COL24A1: variants seen among roughly 807,000 people sequenced by gnomAD.
COL24A1 encodes collagen alpha-1(XXIV) chain.
COL24A1 carries 224 observed loss-of-function variants against 253.9 expected under a neutral mutation model. The ratio of observed to expected loss-of-function variants is 0.88; its 90% CI spans 0.79 to 0.99. The LOEUF (loss-of-function observed/expected upper bound fraction) is 0.99, where lower values mean the gene tolerates loss of function less well. Ranked by LOEUF, COL24A1 falls within the 50% of genes least tolerant of loss-of-function variation. COL24A1 has a pLI of 0.00. For missense variants in COL24A1, 2,131 were observed against 2,068.5 expected (o/e 1.03, Z -0.59); for synonymous variants, 685 against 673.7 (o/e 1.02, Z -0.26).
chr1:86,074,224 T>C (rs1228546414), intron 7 of COL24A1, among the ~76,000 whole-genome samples: 1 of 152,156 alleles, frequency 6.6e-6, no homozygotes, highest in Non-Finnish European at 1.5e-5. Context: ...ACAAATCTCA[T>C]GTGCAAAGAC....
chr1:86,108,817 AAAG>A (rs1316217548), intron 5 of COL24A1, among the ~76,000 whole-genome samples: 1 of 151,494 alleles, frequency 6.6e-6, no homozygotes, highest in Non-Finnish European at 1.5e-5. Flanking sequence ...CAAAAAAAAA[AAAG>A]GATTCTCTAA....
chr1:85,981,274 G>A (rs1418112887), intron 20 of COL24A1, among the ~76,000 whole-genome samples: 1 of 152,078 alleles, frequency 6.6e-6, no homozygotes, highest in East Asian at 1.9e-4. Flanking sequence ...AAACAGCATG[G>A]TACTGGTATA....
intron 35 of COL24A1, among the ~76,000 whole-genome samples, chr1:85,871,369 C>A (rs1243880274): frequency 6.6e-6 from 1 of 152,056 alleles, no homozygotes; most frequent in Non-Finnish European, 1.5e-5. Context: ...ATCCTGATAC[C>A]AAAGCCTGGC....
chr1:86,133,651 T>C (rs1469531067), intron 2 of COL24A1, among the ~76,000 whole-genome samples: 1 of 152,164 alleles, frequency 6.6e-6, no homozygotes, highest in Admixed American at 6.5e-5. Context: ...CTGGATTACG[T>C]TTATTGATTT....
intron 20 of COL24A1, among the ~76,000 whole-genome samples, chr1:85,979,184 A>C (rs1692994997): frequency 6.6e-6 from 1 of 152,208 alleles, no homozygotes; most frequent in African/African-American, 2.4e-5. Flanking sequence ...GGGATACGGC[A>C]AAAGCAGTAG....
chr1:85,884,466 T>C (rs548563053), intron 32 of COL24A1, among the ~76,000 whole-genome samples: 15 of 152,134 alleles, frequency 9.9e-5, no homozygotes, highest in Non-Finnish European at 2.1e-4. Flanking sequence ...TGTGGCACAG[T>C]TCCTTTAGCT....
intron 53 of COL24A1, among the ~76,000 whole-genome samples, chr1:85,773,233 C>T (rs112515288): frequency 6.6e-6 from 1 of 152,160 alleles, no homozygotes; most frequent in African/African-American, 2.4e-5. Context: ...GTCTATATAT[C>T]TGTTTTGGTA....
intron 24 of COL24A1, among the ~76,000 whole-genome samples, chr1:85,914,019 T>C (rs989190863): frequency 1.4e-4 from 21 of 152,192 alleles, no homozygotes; most frequent in African/African-American, 5.1e-4. Flanking sequence ...GGTTCATAGA[T>C]GGCAGAGCCC....
chr1:86,142,621 C>A (rs1651322363), intron 2 of COL24A1, among the ~76,000 whole-genome samples: 1 of 150,474 alleles, frequency 6.6e-6, no homozygotes, highest in African/African-American at 2.4e-5. Flanking sequence ...GATGAAAAAT[C>A]TCACATAAAG....
At chr1:85,968,619 A>C (rs998507700) in intron 22 of COL24A1, among the ~76,000 whole-genome samples, 3 of 152,290 alleles carry the variant, frequency 2.0e-5, no homozygotes, top group Non-Finnish European at 2.9e-5. Context: ...ATAGTTAAGA[A>C]CCTGAATTAT....
At chr1:85,997,039 A>ATGTG (rs1491173763) in intron 19 of COL24A1, among the ~76,000 whole-genome samples, 2 of 48,456 alleles carry the variant, frequency 4.1e-5, no homozygotes. Flanking sequence ...ATATATATAT[A>ATGTG]TATGTGTGTG....
chr1:86,043,341 C>A (rs925060337), intron 12 of COL24A1, among the ~76,000 whole-genome samples: 21 of 151,482 alleles, frequency 1.4e-4, no homozygotes, highest in African/African-American at 5.1e-4. Context: ...CCTTCTATCA[C>A]CCACAAAAAT....
At chr1:86,089,361 C>T in intron 6 of COL24A1, 134 bp from the exon 7 acceptor site, 1 of 756,758 alleles carries the variant, frequency 1.3e-6, no homozygotes. Flanking sequence ...AATCTTTGAG[C>T]CTGTTTCTGA....
chr1:85,799,680 A>G (rs764213848), intron 47 of COL24A1, among the ~76,000 whole-genome samples: 1 of 152,240 alleles, frequency 6.6e-6, no homozygotes, highest in Non-Finnish European at 1.5e-5. Context: ...ATTTCCATGT[A>G]CATAAATACC....
intron 7 of COL24A1, 34 bp downstream of exon 7, chr1:86,089,140 A>AT: frequency 6.5e-7 from 1 of 1,532,888 alleles, no homozygotes; most frequent in Non-Finnish European, 8.8e-7. Context: ...GAAAAAAAGA[A>AT]GAAAAAAAGA....
At chr1:86,084,439 G>C (rs1445820811) in intron 7 of COL24A1, among the ~76,000 whole-genome samples, 1 of 152,164 alleles carries the variant, frequency 6.6e-6, no homozygotes, top group Non-Finnish European at 1.5e-5. Context: ...GCATACAACA[G>C]ACTCATGCCA....
At chr1:85,780,165 T>C (rs1558095460) in intron 52 of COL24A1, among the ~76,000 whole-genome samples, 1 of 152,162 alleles carries the variant, frequency 6.6e-6, no homozygotes. Flanking sequence ...ACAGAAATAC[T>C]GAGTTATACA....
chr1:85,807,996 G>C (rs993610276), intron 47 of COL24A1, among the ~76,000 whole-genome samples: 2 of 152,126 alleles, frequency 1.3e-5, no homozygotes, highest in African/African-American at 4.8e-5. Flanking sequence ...TAAAGACTGT[G>C]AGCTCAGTTT....
rs375343486 is a variant in COL24A1, at chr1:85,817,812, T to C, written c.3843+222A>G. ...CGGGAGGGCTTCATAACCAGGAAAA[T>C]AGCATCCTTCAACTGCAGGGACTTA... On this transcript the variant is annotated intron_variant, in intron 46 of 59. Coordinates refer to ENST00000370571, the MANE Select transcript of COL24A1 (RefSeq NM_152890.7). Among the ~76,000 whole-genome samples the C allele has an allele frequency of 1.6e-3, 243 of 152,242 alleles. 1 individual carries two copies. The highest frequency in any genetic ancestry group is 5.7e-3 in the African/African-American group (235 of 41,560).
Sources: gnomAD v4.1 joint callset for allele counts (sites outside exome capture counted in the v4.1 genomes callset) on GRCh38, gnomAD v4.1.1 for gene constraint, MANE v1.5 for transcripts, NCBI Gene and HGNC (gene_info 2026-07-23, HGNC 2026-07-21) for gene names.